Variants in GALNTL6 observed in about 807,000 individuals in gnomAD.
GALNTL6 encodes the protein polypeptide N-acetylgalactosaminyltransferase-like 6.
In GALNTL6, 46 loss-of-function variants were observed where a neutral mutation model predicts 73.7. The observed-to-expected ratio is 0.62, with a 90% CI of 0.49 to 0.80. The LOEUF (loss-of-function observed/expected upper bound fraction) is 0.80. GALNTL6 is among the 30% of genes least tolerant of loss of function. GALNTL6 has a pLI of 0.00. For synonymous variants in GALNTL6, 259 were observed against 263.7 expected (o/e 0.98, Z 0.17); for missense variants, 604 against 755.0 (o/e 0.80, Z 2.34).
intron 5 of GALNTL6, among the ~76,000 whole-genome samples, chr4:172,569,005 CA>C (rs892514246): frequency 2.0e-5 from 3 of 151,526 alleles, no homozygotes; most frequent in East Asian, 2.0e-4. Flanking sequence ...CCAGGGAAGC[CA>C]AAAAATTGGA....
intron 5 of GALNTL6, among the ~76,000 whole-genome samples, chr4:172,561,259 C>CAA (rs59249298): frequency 0.13 from 7,743 of 59,942 alleles, 998 homozygotes; most frequent in East Asian, 0.24. Context: ...GACTCCGTCT[C>CAA]AAAAAAAAAA....
At chr4:172,526,834 C>T (rs933775063) in intron 5 of GALNTL6, among the ~76,000 whole-genome samples, 4 of 151,574 alleles carry the variant, frequency 2.6e-5, no homozygotes, top group African/African-American at 4.9e-5. Flanking sequence ...AATCTCCCAC[C>T]CCCCCTGCCC....
intron 5 of GALNTL6, among the ~76,000 whole-genome samples, chr4:172,541,657 T>A (rs1332955519): frequency 2.6e-5 from 4 of 152,226 alleles, no homozygotes; most frequent in African/African-American, 9.6e-5. Context: ...CTTAAGGTTT[T>A]ATACGTAGAT....
intron 3 of GALNTL6, among the ~76,000 whole-genome samples, chr4:172,272,164 A>C (rs1192581118): frequency 6.6e-6 from 1 of 152,146 alleles, no homozygotes; most frequent in Non-Finnish European, 1.5e-5. Context: ...CATGTTGGCC[A>C]TGCTGCTTTC....
At chr4:172,534,919 G>A (rs1461305919) in intron 5 of GALNTL6, among the ~76,000 whole-genome samples, 1 of 152,130 alleles carries the variant, frequency 6.6e-6, no homozygotes, top group Non-Finnish European at 1.5e-5. Flanking sequence ...TAGAAATTCA[G>A]TCTAATACTC....
intron 3 of GALNTL6, among the ~76,000 whole-genome samples, chr4:172,272,752 G>A (rs1738699369): frequency 6.6e-6 from 1 of 152,030 alleles, no homozygotes; most frequent in African/African-American, 2.4e-5. Flanking sequence ...ATTTCGAATG[G>A]AAAAATGTGC....
At chr4:172,391,314 A>G (rs939350632) in intron 5 of GALNTL6, among the ~76,000 whole-genome samples, 2 of 152,170 alleles carry the variant, frequency 1.3e-5, no homozygotes, top group African/African-American at 4.8e-5. Flanking sequence ...AGGGATGAAC[A>G]CTGTGAGGAG....
intron 2 of GALNTL6, among the ~76,000 whole-genome samples, chr4:172,179,736 C>G (rs1198587975): frequency 6.6e-6 from 1 of 151,626 alleles, no homozygotes; most frequent in East Asian, 1.9e-4. Context: ...TTGCCCATGC[C>G]TATGTCCTGA....
At chr4:172,337,155 G>T (rs1369707986) in intron 4 of GALNTL6, among the ~76,000 whole-genome samples, 1 of 151,762 alleles carries the variant, frequency 6.6e-6, no homozygotes, top group African/African-American at 2.4e-5. Context: ...TAAGCTTATG[G>T]GTATCCTTAC....
At chr4:172,272,054 G>C (rs1030828015) in intron 3 of GALNTL6, among the ~76,000 whole-genome samples, 1 of 152,062 alleles carries the variant, frequency 6.6e-6, no homozygotes, top group African/African-American at 2.4e-5. Flanking sequence ...CCAGGTTCAA[G>C]TGATTCTCCT....
chr4:172,431,884 T>G (rs1731467492), intron 5 of GALNTL6, among the ~76,000 whole-genome samples: 1 of 152,106 alleles, frequency 6.6e-6, no homozygotes, highest in Non-Finnish European at 1.5e-5. Flanking sequence ...GTCAAGGAAA[T>G]TTTCTTGCAT....
chr4:172,355,788 C>T (rs1398724018), intron 5 of GALNTL6, among the ~76,000 whole-genome samples: 1 of 152,076 alleles, frequency 6.6e-6, no homozygotes, highest in African/African-American at 2.4e-5. Context: ...TTCTAACTCA[C>T]ATTTCACTTT....
chr4:172,954,196 G>A (rs180894430), intron 10 of GALNTL6, among the ~76,000 whole-genome samples: 37 of 152,270 alleles, frequency 2.4e-4, no homozygotes, highest in Non-Finnish European at 3.2e-4. Context: ...ACTGCAACTG[G>A]TCACATTTTT....
intron 5 of GALNTL6, among the ~76,000 whole-genome samples, chr4:172,714,206 T>G (rs1379720370): frequency 1.3e-5 from 2 of 152,110 alleles, no homozygotes; most frequent in East Asian, 3.9e-4. Context: ...CATCCAGAAA[T>G]GAACAAGGAC....
chr4:172,777,191 C>G (rs1182543516), intron 5 of GALNTL6, among the ~76,000 whole-genome samples: 2 of 151,926 alleles, frequency 1.3e-5, no homozygotes, highest in Non-Finnish European at 2.9e-5. Flanking sequence ...TTAAATGCTC[C>G]CCCCCAAATA....
intron 2 of GALNTL6, among the ~76,000 whole-genome samples, chr4:171,883,497 A>C (rs904409304): frequency 2.0e-5 from 3 of 152,138 alleles, no homozygotes; most frequent in Admixed American, 6.5e-5. Context: ...TGCTGATAAG[A>C]GAGTAATTGA....
At chr4:172,258,661 C>G (rs1738161337) in intron 3 of GALNTL6, among the ~76,000 whole-genome samples, 1 of 151,108 alleles carries the variant, frequency 6.6e-6, no homozygotes, top group South Asian at 2.1e-4. Flanking sequence ...CAGATAAGTT[C>G]TTTAGTAGTG....
chr4:172,141,779 T>C (rs558371596), intron 2 of GALNTL6, among the ~76,000 whole-genome samples: 32 of 152,002 alleles, frequency 2.1e-4, no homozygotes, highest in African/African-American at 7.5e-4. Flanking sequence ...ACTAGAGACA[T>C]TGGGAGTTCC....
chr4:172,652,093 A>AT (rs1419968658), intron 5 of GALNTL6, among the ~76,000 whole-genome samples: 6 of 152,216 alleles, frequency 3.9e-5, no homozygotes, highest in African/African-American at 1.4e-4. Flanking sequence ...ACACTCCCAT[A>AT]TGTCACTGGA....
Sources: allele counts gnomAD v4.1 joint callset (sites outside exome capture counted in the v4.1 genomes callset), GRCh38; gene constraint gnomAD v4.1.1; transcripts MANE v1.5; gene names NCBI Gene and HGNC (gene_info 2026-07-23, HGNC 2026-07-21).